Variants in PPARGC1A observed in about 807,000 individuals in gnomAD.
The protein encoded by PPARGC1A is peroxisome proliferator-activated receptor gamma coactivator 1-alpha.
PPARGC1A carries 25 observed loss-of-function variants against 88.7 expected under a neutral mutation model. That is an observed-to-expected ratio of 0.28 (90% CI 0.21 to 0.39). The LOEUF is 0.39. Among genes scored for constraint, PPARGC1A ranks in the 10% least tolerant of loss-of-function variants. PPARGC1A has a pLI of 1.00. For missense variants in PPARGC1A, 880 were observed against 968.7 expected, an observed-to-expected ratio of 0.91 and a Z score of 1.22; for synonymous variants, 363 against 355.6, an observed-to-expected ratio of 1.02 and a Z score of -0.24.
At chr4:24,375,145 T>A in the PPARGC1A span, among the ~76,000 whole-genome samples, 1 of 152,330 alleles carries the variant, frequency 6.6e-6, no homozygotes, top group South Asian at 2.1e-4. Flanking sequence ...TAAGCCATTT[T>A]TAATCAGGCC....
At chr4:24,276,975 C>T in the PPARGC1A span, among the ~76,000 whole-genome samples, 15 of 152,106 alleles carry the variant, frequency 9.9e-5, no homozygotes, top group South Asian at 1.2e-3. Flanking sequence ...GAGTACAGAC[C>T]GCCCTCAAAT....
the PPARGC1A span, among the ~76,000 whole-genome samples, chr4:23,967,332 G>A: frequency 2.0e-5 from 3 of 152,210 alleles, no homozygotes; most frequent in East Asian, 5.8e-4. Flanking sequence ...CTATGTCCCC[G>A]CTTTTGAAAA....
the PPARGC1A span, among the ~76,000 whole-genome samples, chr4:24,314,216 C>T: frequency 4.6e-5 from 7 of 152,152 alleles, no homozygotes; most frequent in Non-Finnish European, 7.3e-5. Context: ...GAGCATTTCA[C>T]TTTATCTTTG....
the PPARGC1A span, among the ~76,000 whole-genome samples, chr4:24,245,705 T>C: frequency 6.6e-6 from 1 of 152,214 alleles, no homozygotes; most frequent in Non-Finnish European, 1.5e-5. Flanking sequence ...AAGACCCAGC[T>C]TGGCAGCTCA....
the PPARGC1A span, among the ~76,000 whole-genome samples, chr4:24,061,067 A>T: frequency 1.3e-5 from 2 of 152,138 alleles, no homozygotes; most frequent in Non-Finnish European, 2.9e-5. Context: ...AAAAAAAAAG[A>T]AAAGAAAAGA....
intron 2 of PPARGC1A, among the ~76,000 whole-genome samples, chr4:23,844,872 A>AT (rs1560429950): frequency 1.5e-4 from 12 of 82,146 alleles, no homozygotes; most frequent in East Asian, 2.7e-4. Flanking sequence ...GATATATATT[A>AT]TATACACACA....
the PPARGC1A span, among the ~76,000 whole-genome samples, chr4:24,208,797 CA>C: frequency 2.6e-5 from 4 of 151,512 alleles, no homozygotes; most frequent in Non-Finnish European, 5.9e-5. Context: ...TCCTCATAAT[CA>C]AAATAATAGC....
At chr4:24,400,850 A>G in the PPARGC1A span, among the ~76,000 whole-genome samples, 1 of 152,156 alleles carries the variant, frequency 6.6e-6, no homozygotes, top group Non-Finnish European at 1.5e-5. Context: ...AATGTGAGGC[A>G]GATATGCCAA....
the PPARGC1A span, among the ~76,000 whole-genome samples, chr4:24,102,285 A>G: frequency 6.6e-6 from 1 of 152,234 alleles, no homozygotes; most frequent in Non-Finnish European, 1.5e-5. Context: ...CCTAAACTAT[A>G]GATTCCTTTC....
the PPARGC1A span, among the ~76,000 whole-genome samples, chr4:24,357,018 A>G: frequency 1.3e-5 from 2 of 152,142 alleles, no homozygotes; most frequent in Admixed American, 1.3e-4. Context: ...GCCCTCAGAT[A>G]ACAACTAATG....
intron 2 of PPARGC1A, among the ~76,000 whole-genome samples, chr4:23,846,107 T>G (rs1728263825): frequency 6.6e-6 from 1 of 152,124 alleles, no homozygotes; most frequent in Non-Finnish European, 1.5e-5. Context: ...TGTAACAGCA[T>G]GGAAAATGAC....
the PPARGC1A span, among the ~76,000 whole-genome samples, chr4:24,078,038 T>A: frequency 3.2e-4 from 48 of 152,234 alleles, 1 homozygote; most frequent in East Asian, 7.7e-3. Context: ...ATATACTCTC[T>A]TACCTCTAGA....
At chr4:24,249,203 C>G in the PPARGC1A span, among the ~76,000 whole-genome samples, 1 of 152,114 alleles carries the variant, frequency 6.6e-6, no homozygotes, top group Non-Finnish European at 1.5e-5. Context: ...CCAGTGGAAA[C>G]TTCCCAGATA....
chr4:24,101,018 G>A, the PPARGC1A span, among the ~76,000 whole-genome samples: 3 of 152,182 alleles, frequency 2.0e-5, no homozygotes, highest in African/African-American at 7.2e-5. Flanking sequence ...AGAGTAGAAA[G>A]ACAAATTCTA....
At chr4:24,001,321 G>T in the PPARGC1A span, among the ~76,000 whole-genome samples, 2 of 152,290 alleles carry the variant, frequency 1.3e-5, 1 homozygote. Flanking sequence ...ATTTTTCCAC[G>T]TTGAATCTGT....
the PPARGC1A span, among the ~76,000 whole-genome samples, chr4:24,099,677 A>G: frequency 1.3e-5 from 2 of 152,190 alleles, no homozygotes; most frequent in Non-Finnish European, 2.9e-5. Context: ...TGGTTTACGT[A>G]CTTGTAACAT....
chr4:24,049,976 A>G, the PPARGC1A span, among the ~76,000 whole-genome samples: 1 of 152,210 alleles, frequency 6.6e-6, no homozygotes, highest in Non-Finnish European at 1.5e-5. Flanking sequence ...ATTCTTCATC[A>G]GTGTGCTTAA....
chr4:24,058,912 C>T, the PPARGC1A span, among the ~76,000 whole-genome samples: 52,034 of 152,004 alleles, frequency 0.34, 9,061 homozygotes, highest in South Asian at 0.41. Context: ...GCCATTGCAC[C>T]CCAGCCTGGG....
At chr4:23,851,698 C>T (rs1035836531) in intron 2 of PPARGC1A, among the ~76,000 whole-genome samples, 9 of 152,090 alleles carry the variant, frequency 5.9e-5, no homozygotes, top group African/African-American at 1.9e-4. Context: ...TCAACATTAC[C>T]ATATTAACTG....
Sources: gnomAD v4.1 joint callset for allele counts (sites outside exome capture counted in the v4.1 genomes callset) on GRCh38, gnomAD v4.1.1 for gene constraint, MANE v1.5 for transcripts, NCBI Gene and HGNC (gene_info 2026-07-23, HGNC 2026-07-21) for gene names.